The following PICALM variants were observed in gnomAD, a reference collection of about 807,000 sequenced individuals.
PICALM encodes phosphatidylinositol-binding clathrin assembly protein.
Under a neutral mutation model 80.5 loss-of-function variants are expected in PICALM, and 40 were observed. That is an observed-to-expected ratio of 0.50 (90% CI 0.39 to 0.65). The LOEUF is 0.65. Among genes scored for constraint, PICALM ranks in the 30% least tolerant of loss-of-function variants. The pLI is 0.00. For missense variants in PICALM, 676 were observed against 778.9 expected (o/e 0.87, Z 1.57); for synonymous variants, 288 against 260.3 (o/e 1.11, Z -1.02).
chr11:86,030,654 G>T (rs948666671), intron 2 of PICALM, among the ~76,000 whole-genome samples: 1 of 152,178 alleles, frequency 6.6e-6, no homozygotes, highest in Admixed American at 6.5e-5. Context: ...TTTCAAAAGC[G>T]TATATATCTT....
chr11:86,001,439 G>C (rs2095140672), intron 9 of PICALM, among the ~76,000 whole-genome samples: 1 of 152,168 alleles, frequency 6.6e-6, no homozygotes, highest in African/African-American at 2.4e-5. Context: ...CCTCTTCCAA[G>C]CCCCAAGAGA....
intron 1 of PICALM, among the ~76,000 whole-genome samples, chr11:86,063,668 T>G (rs1333264818): frequency 6.6e-6 from 1 of 152,176 alleles, no homozygotes; most frequent in Non-Finnish European, 1.5e-5. Context: ...ATAAAATGCC[T>G]CAGGCATTTG....
At chr11:85,975,933 GCT>G (rs1454919179) in intron 18 of PICALM, among the ~76,000 whole-genome samples, 10 of 152,100 alleles carry the variant, frequency 6.6e-5, no homozygotes, top group Non-Finnish European at 1.5e-4. Context: ...ATGAAAAAAA[GCT>G]GTGAAACTTC....
rs771493947 is a variant in PICALM at position 86,014,839 on chromosome 11, T to A, written c.546+31A>T. The A allele has an allele frequency of 2.1e-5, 27 of 1,301,300 alleles. No homozygotes were observed. In the Middle Eastern group the frequency reaches 5.9e-4, roughly 28 times the overall value. 80.6% of individuals were successfully genotyped at this position (1,301,300 alleles called of 1,614,324 possible). A position where few individuals can be genotyped will look rare whatever the true frequency, so the allele number is the denominator to read the frequency against. On this transcript the variant is annotated intron_variant, in intron 5 of 19. Transcript: ENST00000393346. ...CATGAATTATAATGACCTAATTTTT[T>A]AAAATCTTAAATTACAAAAGCATAA... is the stretch of plus-strand genomic sequence containing the variant.
intron 12 of PICALM, 132 bp downstream of exon 12, chr11:85,996,694 G>A: frequency 1.7e-6 from 1 of 574,514 alleles, no homozygotes; most frequent in Non-Finnish European, 3.1e-6. Context: ...GGATAAAATT[G>A]CTTCATTGCC....
In PICALM at chr11:86,068,694, G is replaced by A; in HGVS notation, c.87C>T (p.Ala29=). The change falls in exon 1 of 20, where the codon GCC becomes GCT. Residue 29 remains alanine, a synonymous_variant. Coordinates refer to ENST00000393346, the MANE Select transcript of PICALM (RefSeq NM_007166.4). ...GSAVSKTVCK[A]TTHEIMGPKK... is the part of the protein sequence containing the mutation. ...TGGGCCCCATGATCTCGTGGGTCGT[G>A]GCCTTGCATACTGTCTTGGATACGG... The A allele has an allele frequency of 6.2e-7, 1 of 1,613,378 alleles. No homozygotes were observed. Among genetic ancestry groups the A allele is most frequent in the Non-Finnish European group, 8.5e-7 (1 of 1,179,762 alleles).
intron 1 of PICALM, among the ~76,000 whole-genome samples, chr11:86,055,160 C>T (rs564020708): frequency 2.6e-5 from 4 of 151,808 alleles, no homozygotes; most frequent in Non-Finnish European, 4.4e-5. Flanking sequence ...GTGAAACCCC[C>T]GTCTCTACTA....
intron 13 of PICALM, 54 bp from the exon 14 acceptor site, chr11:85,984,027 G>C: frequency 2.6e-6 from 2 of 774,186 alleles, no homozygotes; most frequent in South Asian, 1.6e-5. Flanking sequence ...CTACATTTAC[G>C]ACTATTTAAT....
At position 85,990,254 on chromosome 11, in the gene PICALM, A is replaced by G; in HGVS notation, c.1404T>C (p.Phe468=). The change falls in exon 13 of 20, where the codon TTT becomes TTC. Residue 468 remains phenylalanine, a synonymous_variant. Coordinates refer to ENST00000393346, the MANE Select transcript of PICALM (RefSeq NM_007166.4). ...AAAGGTTAAATGGTACTTTACCAAC[A>G]AACATTTCATGAGTAGGTGTCCTAG... ...FTTRTPTHEM[F]VGFTPSPVAQ... is the part of the protein sequence containing the mutation. The G allele has an allele frequency of 6.3e-7, 1 of 1,584,474 alleles. No individual in the cohort carries two copies. The highest frequency in any genetic ancestry group is 1.1e-5 in the South Asian group (1 of 88,254).
At position 86,039,447 on chromosome 11, in the gene PICALM, C is replaced by G. The variant is rs796127460; in HGVS notation, c.131-7836G>C. 3.9e-4 allele frequency among the ~76,000 whole-genome samples: 59 copies of G among 152,120 alleles called. 1 individual carries two copies. The highest frequency in any genetic ancestry group is 1.3e-3 in the African/African-American group (52 of 41,492). On this transcript the variant is annotated intron_variant, in intron 1 of 19. Coordinates refer to ENST00000393346, the MANE Select transcript of PICALM (RefSeq NM_007166.4). Reference sequence around the variant, plus strand: ...TAAATTTTAAAAGGCAATCCTCCCCCCACCAGAAATGTAAAAATAATTCTA... The same window carrying G: ...TAAATTTTAAAAGGCAATCCTCCCCGCACCAGAAATGTAAAAATAATTCTA...
At chr11:86,002,784 G>A (rs934904295) in intron 9 of PICALM, among the ~76,000 whole-genome samples, 3 of 152,214 alleles carry the variant, frequency 2.0e-5, no homozygotes, top group African/African-American at 7.2e-5. Flanking sequence ...AGGCTGAGGT[G>A]TGCAGATCAC....
At chr11:86,057,328 C>G (rs1307506812) in intron 1 of PICALM, among the ~76,000 whole-genome samples, 1 of 152,162 alleles carries the variant, frequency 6.6e-6, no homozygotes, top group Non-Finnish European at 1.5e-5. Flanking sequence ...ATCACGAGGT[C>G]AGGAGTTTGA....
At chr11:86,037,988 T>C (rs1021389990) in intron 1 of PICALM, among the ~76,000 whole-genome samples, 6 of 152,192 alleles carry the variant, frequency 3.9e-5, no homozygotes, top group African/African-American at 1.4e-4. Flanking sequence ...ACACATTCTT[T>C]ATCTCCTCAA....
At chr11:86,060,248 T>C (rs981644919) in intron 1 of PICALM, among the ~76,000 whole-genome samples, 8 of 152,180 alleles carry the variant, frequency 5.3e-5, no homozygotes, top group African/African-American at 1.7e-4. Context: ...ACTTTTAAAA[T>C]TGAGGAGCCA....
At chr11:85,997,648 T>C (rs1276807092) in intron 11 of PICALM, among the ~76,000 whole-genome samples, 1 of 152,160 alleles carries the variant, frequency 6.6e-6, no homozygotes, top group Non-Finnish European at 1.5e-5. Context: ...TTTTTGTATT[T>C]TTAATAGAGA....
intron 8 of PICALM, among the ~76,000 whole-genome samples, chr11:86,006,954 A>C (rs1565382796): frequency 6.6e-6 from 1 of 152,060 alleles, no homozygotes; most frequent in Non-Finnish European, 1.5e-5. Context: ...TGAACTACTT[A>C]CTGTCTGAGG....
At chr11:86,021,034 A>G (rs1010908821) in intron 4 of PICALM, among the ~76,000 whole-genome samples, 5 of 152,186 alleles carry the variant, frequency 3.3e-5, no homozygotes, top group Admixed American at 2.0e-4. Context: ...AACAATAAAA[A>G]GGGCAAGTAA....
chr11:86,009,848 G>A (rs1158384580), intron 7 of PICALM, among the ~76,000 whole-genome samples: 2 of 152,178 alleles, frequency 1.3e-5, no homozygotes, highest in Non-Finnish European at 1.5e-5. Context: ...TTTAGTACGT[G>A]ACTGACCCTT....
chr11:86,041,510 G>GAC (rs1565521874), intron 1 of PICALM, among the ~76,000 whole-genome samples: 1 of 151,812 alleles, frequency 6.6e-6, no homozygotes, highest in African/African-American at 2.4e-5. Flanking sequence ...TGTGGCAGAG[G>GAC]AAAGATGAGG....
Sources: allele counts gnomAD v4.1 joint callset (sites outside exome capture counted in the v4.1 genomes callset), GRCh38; gene constraint gnomAD v4.1.1; transcripts MANE v1.5; gene names NCBI Gene and HGNC (gene_info 2026-07-23, HGNC 2026-07-21).